Variants in CEP112 observed in about 807,000 individuals in gnomAD.
CEP112 encodes centrosomal protein of 112 kDa.
CEP112 carries 127 observed loss-of-function variants against 153.0 expected under a neutral mutation model. The observed-to-expected ratio is 0.83, with a 90% CI of 0.72 to 0.96. The LOEUF (loss-of-function observed/expected upper bound fraction) is 0.96, where lower values mean the gene tolerates loss of function less well. CEP112 is among the 40% of genes least tolerant of loss of function. The probability of loss-of-function intolerance (pLI) is 0.00; values close to 1 mark genes in which losing one functional copy is unlikely to be tolerated. For synonymous variants in CEP112, 358 were observed against 374.4 expected, an observed-to-expected ratio of 0.96 and a Z score of 0.51; for missense variants, 1,089 against 1,101.2, an observed-to-expected ratio of 0.99 and a Z score of 0.16.
At chr17:65,693,024 A>AAC (rs377110914) in intron 23 of CEP112, among the ~76,000 whole-genome samples, 8 of 152,266 alleles carry the variant, frequency 5.3e-5, no homozygotes, top group East Asian at 3.9e-4. Context: ...TCTATCTCTG[A>AAC]ACACACACAC....
At chr17:66,123,157 G>C (rs2069678658) in intron 6 of CEP112, among the ~76,000 whole-genome samples, 1 of 152,186 alleles carries the variant, frequency 6.6e-6, no homozygotes, top group Non-Finnish European at 1.5e-5. Flanking sequence ...GGACAATGAA[G>C]GCCACAGTAT....
intron 22 of CEP112, among the ~76,000 whole-genome samples, chr17:65,748,710 G>A (rs1411208447): frequency 3.3e-5 from 5 of 152,148 alleles, no homozygotes; most frequent in African/African-American, 7.2e-5. Flanking sequence ...CAAAGAGGGC[G>A]GGTAACTTGC....
At chr17:65,714,896 G>A (rs146628234) in intron 23 of CEP112, among the ~76,000 whole-genome samples, 41 of 152,212 alleles carry the variant, frequency 2.7e-4, no homozygotes, top group Non-Finnish European at 5.3e-4. Context: ...AGGCAGTGGG[G>A]AGCAGTTGAA....
chr17:65,927,478 A>C, intron 19 of CEP112, 104 bp downstream of exon 19: 1 of 660,790 alleles, frequency 1.5e-6, no homozygotes, highest in South Asian at 1.9e-5. Flanking sequence ...AACAGCTCTT[A>C]GTAATATTTT....
chr17:65,970,457 CATGCACACATGCATGTATATTACAT>C (rs1568314499), intron 17 of CEP112, among the ~76,000 whole-genome samples: 1 of 92,764 alleles, frequency 1.1e-5, no homozygotes, highest in Non-Finnish European at 2.2e-5. Context: ...ATATTACATG[CATGCACACATGCATGTATATTACAT>C]GCATGCACAC....
chr17:65,888,381 C>T (rs1004075366), intron 20 of CEP112, among the ~76,000 whole-genome samples: 5 of 152,046 alleles, frequency 3.3e-5, no homozygotes, highest in African/African-American at 1.2e-4. Flanking sequence ...GCAGGGGAGG[C>T]CTTTGTCTTG....
chr17:66,179,013 T>C (rs985094811), intron 2 of CEP112, among the ~76,000 whole-genome samples: 2 of 152,144 alleles, frequency 1.3e-5, no homozygotes, highest in African/African-American at 4.8e-5. Flanking sequence ...AATGTACGGA[T>C]TTGTATCTGA....
rs559140469 is a variant in CEP112 at position 65,902,157 on chromosome 17, C to T, written c.2158G>A (p.Ala720Thr). ...NQIQEFKKRD[A>T]QVIADMEAQV... is the part of the protein sequence containing the mutation. ...CAAATATTATTGATAATTACCTGTG[C>T]ATCTCGTTTCTTGAACTCCTGAATT... is the stretch of plus-strand genomic sequence containing the variant. Residue 720 changes from alanine (A) to threonine (T), a missense_variant, in exon 20 of 27, where the codon GCA becomes ACA. By Grantham distance (58) the Ala-to-Thr change is moderately conservative. Transcript: ENST00000535342. 3.1e-6 allele frequency: 5 copies of T among 1,609,828 alleles called. No homozygotes were observed. The highest frequency in any genetic ancestry group is 1.7e-5 in the Admixed American group (1 of 59,840).
chr17:66,108,631 G>A lies in CEP112; in HGVS notation c.643-11999C>T, dbSNP rs2068885927. Among the ~76,000 whole-genome samples, 3 of 152,180 alleles carry A rather than the reference G, an allele frequency of 2.0e-5. No homozygotes were observed. In the South Asian group the frequency reaches 6.2e-4, roughly 32 times the overall value. On this transcript the variant is annotated intron_variant, in intron 6 of 26. Transcript: ENST00000535342. ...GGCAATAATAAATGCTAACAAGGATGTGGAGAAAATGAAACCTTTGTACAG... is the reference window on the plus strand; with the variant it reads ...GGCAATAATAAATGCTAACAAGGATATGGAGAAAATGAAACCTTTGTACAG...
At chr17:65,890,443 T>G (rs965421699) in intron 20 of CEP112, among the ~76,000 whole-genome samples, 3 of 152,210 alleles carry the variant, frequency 2.0e-5, no homozygotes, top group Non-Finnish European at 4.4e-5. Flanking sequence ...TCTACTCTAA[T>G]GGAACCTCTT....
At chr17:65,906,300 G>A (rs1314070460) in intron 19 of CEP112, among the ~76,000 whole-genome samples, 1 of 151,990 alleles carries the variant, frequency 6.6e-6, no homozygotes, top group Non-Finnish European at 1.5e-5. Flanking sequence ...GATAGCATTA[G>A]GAGAAATACC....
chr17:65,711,528 T>C (rs963194914), intron 23 of CEP112, among the ~76,000 whole-genome samples: 12 of 152,212 alleles, frequency 7.9e-5, no homozygotes, highest in Non-Finnish European at 7.3e-5. Flanking sequence ...TATTTACCTA[T>C]ATGTTATATA....
At chr17:65,905,139 A>C in intron 19 of CEP112, among the ~76,000 whole-genome samples, 1 of 152,230 alleles carries the variant, frequency 6.6e-6, no homozygotes, top group East Asian at 1.9e-4. Context: ...TGCACAGCAA[A>C]AGAAACTATC....
chr17:66,177,325 C>T (rs945497664), intron 2 of CEP112, among the ~76,000 whole-genome samples: 5 of 152,160 alleles, frequency 3.3e-5, no homozygotes, highest in African/African-American at 4.8e-5. Flanking sequence ...TCTGCTAACT[C>T]CTGGTCTACA....
At chr17:66,131,677 C>T (rs229855) in intron 5 of CEP112, among the ~76,000 whole-genome samples, 48,356 of 151,186 alleles carry the variant, frequency 0.32, 9,278 homozygotes, top group East Asian at 0.83. Flanking sequence ...GGAGGCGGAG[C>T]TTGCAGTGAG....
chr17:66,174,955 TAA>T, intron 4 of CEP112, 87 bp downstream of exon 4: 1 of 911,906 alleles, frequency 1.1e-6, no homozygotes, highest in Non-Finnish European at 1.5e-6. Flanking sequence ...ACTTCCATTA[TAA>T]AAAAAAGGAA....
At chr17:65,947,200 C>T (rs77144593) in intron 18 of CEP112, among the ~76,000 whole-genome samples, 1 of 152,078 alleles carries the variant, frequency 6.6e-6, no homozygotes, top group Non-Finnish European at 1.5e-5. Flanking sequence ...GACTCTCCTC[C>T]GTGCTCTCTT....
At chr17:65,954,485 C>T (rs914543927) in intron 18 of CEP112, among the ~76,000 whole-genome samples, 1 of 152,042 alleles carries the variant, frequency 6.6e-6, no homozygotes, top group Non-Finnish European at 1.5e-5. Flanking sequence ...TACCACCTCA[C>T]CAGCAATGGA....
intron 18 of CEP112, among the ~76,000 whole-genome samples, chr17:65,937,557 G>A (rs1475443545): frequency 7.9e-5 from 8 of 100,780 alleles, no homozygotes; most frequent in Admixed American, 1.2e-4. Flanking sequence ...GCCCCGTCCG[G>A]GAGGGAGGTG....
Sources: allele counts gnomAD v4.1 joint callset (sites outside exome capture counted in the v4.1 genomes callset), GRCh38; gene constraint gnomAD v4.1.1; transcripts MANE v1.5; gene names NCBI Gene and HGNC (gene_info 2026-07-23, HGNC 2026-07-21).